The following RETREG1 variants were observed in gnomAD, a reference collection of about 807,000 sequenced individuals.
RETREG1 encodes family with sequence similarity 134 member B.
In RETREG1, 44 loss-of-function variants were observed where a neutral mutation model predicts 54.8. The ratio of observed to expected loss-of-function variants is 0.80; its 90% CI spans 0.63 to 1.03. RETREG1 has a LOEUF of 1.03. Ranked by LOEUF, RETREG1 falls within the 50% of genes least tolerant of loss-of-function variation. The probability of loss-of-function intolerance (pLI) is 0.00; values close to 1 mark genes in which losing one functional copy is unlikely to be tolerated. For synonymous variants in RETREG1, 217 were observed against 238.5 expected (o/e 0.91, Z 0.83); for missense variants, 554 against 605.1 (o/e 0.92, Z 0.89).
At chr5:16,500,556 A>C (rs920786886) in intron 3 of RETREG1, among the ~76,000 whole-genome samples, 1 of 152,144 alleles carries the variant, frequency 6.6e-6, no homozygotes, top group Non-Finnish European at 1.5e-5. Context: ...AAATGGCTCA[A>C]TCAGAAATGG....
chr5:16,554,920 A>C (rs866762138), intron 3 of RETREG1, among the ~76,000 whole-genome samples: 5 of 152,262 alleles, frequency 3.3e-5, no homozygotes, highest in Middle Eastern at 3.4e-3. Context: ...CTCTTCATAC[A>C]GACGCAATCT....
chr5:16,508,664 C>T, intron 3 of RETREG1: 33 of 1,613,386 alleles, frequency 2.0e-5, no homozygotes, highest in Non-Finnish European at 2.6e-5. Context: ...ACCTGCTAAC[C>T]ACGGCTAATG....
intron 3 of RETREG1, among the ~76,000 whole-genome samples, chr5:16,549,533 T>C (rs1316447089): frequency 6.6e-6 from 1 of 152,196 alleles, no homozygotes; most frequent in East Asian, 1.9e-4. Flanking sequence ...TTCAGGCCTA[T>C]TTCTCAATTT....
intron 3 of RETREG1, among the ~76,000 whole-genome samples, chr5:16,544,259 AG>A (rs1340895064): frequency 1.3e-5 from 2 of 152,218 alleles, no homozygotes; most frequent in African/African-American, 4.8e-5. Flanking sequence ...CACAGGCATG[AG>A]CCACCATGCC....
chr5:16,599,155 C>T (rs1241405132), intron 1 of RETREG1, among the ~76,000 whole-genome samples: 3 of 152,116 alleles, frequency 2.0e-5, no homozygotes, highest in Non-Finnish European at 2.9e-5. Context: ...TGCAGTGAGC[C>T]AAGATCACAC....
intron 1 of RETREG1, among the ~76,000 whole-genome samples, chr5:16,602,225 C>G (rs887294742): frequency 6.6e-6 from 1 of 152,160 alleles, no homozygotes; most frequent in African/African-American, 2.4e-5. Context: ...CATGAATATT[C>G]TCAAGAAGAA....
chr5:16,567,201 GC>G (rs1266752248), intron 2 of RETREG1, among the ~76,000 whole-genome samples: 1 of 152,186 alleles, frequency 6.6e-6, no homozygotes, highest in African/African-American at 2.4e-5. Context: ...AGTACAAGTG[GC>G]AAGAGACTTA....
intron 2 of RETREG1, among the ~76,000 whole-genome samples, chr5:16,566,370 T>TACAC (rs746877740): frequency 2.4e-5 from 3 of 126,278 alleles, no homozygotes; most frequent in Non-Finnish European, 5.4e-5. Context: ...AAACATAAAA[T>TACAC]ACACACACAC....
rs1738456645 is a variant in RETREG1 at position 16,474,863 on chromosome 5, G to A, written c.1372C>T (p.Leu458Phe). The A allele has an allele frequency of 6.2e-7, 1 of 1,613,794 alleles. No individual in the cohort carries two copies. The highest frequency in any genetic ancestry group is 8.5e-7 in the Non-Finnish European group (1 of 1,179,944). ...ATTTGATCCAGCTCTGACTGGTCAA[G>A]TAGTTCAAAGTCATCACCTTCTTCA... ...DTEEGDDFEL[L>F]DQSELDQIES... The change falls in exon 9 of 9, where the codon CTT (leucine) becomes TTT (phenylalanine). Residue 458 changes from leucine to phenylalanine, a missense_variant. This residue lies in a region of RETREG1 where 2 missense variants were observed against 18.3 expected (regional missense o/e 0.11). Coordinates refer to ENST00000306320, the MANE Select transcript of RETREG1 (RefSeq NM_001034850.3).
At chr5:16,614,738 T>C (rs552996019) in intron 1 of RETREG1, among the ~76,000 whole-genome samples, 1 of 152,286 alleles carries the variant, frequency 6.6e-6, no homozygotes, top group Admixed American at 6.5e-5. Context: ...AATGCTGAAA[T>C]AGCAAAAGCT....
rs918750732 is a variant in RETREG1 at position 16,594,451 on chromosome 5, G to A, written c.320+22201C>T. Among the ~76,000 whole-genome samples the A allele has an allele frequency of 4.6e-5, 7 of 152,136 alleles. No individual in the cohort carries two copies. The highest frequency in any genetic ancestry group is 7.3e-5 in the Non-Finnish European group (5 of 68,038). The stretch of plus-strand genomic sequence containing the variant: ...TTAACATAGCATTTTTCAGTTGGGC[G>A]TGGTGGCTCACACCTATAATCCGTG... On this transcript the variant is annotated intron_variant, in intron 1 of 8. Coordinates refer to ENST00000306320, the MANE Select transcript of RETREG1 (RefSeq NM_001034850.3). The surrounding 1 kb of genome is among the most constrained non-coding windows in gnomAD (Gnocchi z 4.4).
At chr5:16,520,474 C>A (rs1233113161) in intron 3 of RETREG1, among the ~76,000 whole-genome samples, 2 of 152,072 alleles carry the variant, frequency 1.3e-5, no homozygotes, top group African/African-American at 4.8e-5. Context: ...GGATTACAGG[C>A]ACCCATCACC....
intron 3 of RETREG1, among the ~76,000 whole-genome samples, chr5:16,528,459 A>C (rs1740795764): frequency 6.6e-6 from 1 of 152,100 alleles, no homozygotes; most frequent in Non-Finnish European, 1.5e-5. Flanking sequence ...CTTGTGATGG[A>C]TATATATTCC....
chr5:16,537,628 G>A (rs1741113350), intron 3 of RETREG1, among the ~76,000 whole-genome samples: 1 of 152,172 alleles, frequency 6.6e-6, no homozygotes, highest in Admixed American at 6.5e-5. Flanking sequence ...AAGCCAGGAG[G>A]CAGAAGTTGC....
intron 3 of RETREG1, among the ~76,000 whole-genome samples, chr5:16,506,793 T>C (rs1279769783): frequency 1.3e-5 from 2 of 152,318 alleles, no homozygotes; most frequent in South Asian, 4.1e-4. Context: ...TAAGACAAAG[T>C]ATACTGCATA....
chr5:16,530,436 T>TA (rs2055178836), intron 3 of RETREG1, among the ~76,000 whole-genome samples: 1 of 152,172 alleles, frequency 6.6e-6, no homozygotes. Context: ...TTATATATTA[T>TA]ATAGTGGTTG....
At chr5:16,488,130 T>A (rs1006738064) in intron 3 of RETREG1, among the ~76,000 whole-genome samples, 5 of 152,154 alleles carry the variant, frequency 3.3e-5, no homozygotes, top group Admixed American at 1.3e-4. Context: ...CTGTGAGAAA[T>A]ACCCTTGATA....
At position 16,572,047 on chromosome 5, in the gene RETREG1, C is replaced by A. The variant is rs748630718; in HGVS notation, c.376G>T (p.Gly126Trp). The A allele has an allele frequency of 1.9e-6, 3 of 1,613,890 alleles. No homozygotes were observed. In the Admixed American group the frequency reaches 5.0e-5, roughly 27 times the overall value. The change falls in exon 2 of 9, where the codon GGG (glycine) becomes TGG (tryptophan). Residue 126 changes from glycine to tryptophan, a missense_variant. Coordinates refer to ENST00000306320, the MANE Select transcript of RETREG1 (RefSeq NM_001034850.3). ...TTTATTATTTGCATAATAACACGCC[C>A]AAGTATCATGACGGAAATCAGGTGA... ...VYHLISVMIL[G>W]RVIMQIIKDM...
chr5:16,582,069 T>C (rs1177027346), intron 1 of RETREG1, among the ~76,000 whole-genome samples: 1 of 152,214 alleles, frequency 6.6e-6, no homozygotes, highest in African/African-American at 2.4e-5. Context: ...AATATACATA[T>C]ACATATCATG....
Sources: allele counts gnomAD v4.1 joint callset (sites outside exome capture counted in the v4.1 genomes callset), GRCh38; gene constraint gnomAD v4.1.1; regional missense constraint gnomAD v4.1.1; non-coding constraint Gnocchi (gnomAD v3.1); transcripts MANE v1.5; gene names NCBI Gene and HGNC (gene_info 2026-07-23, HGNC 2026-07-21).